MTA3: variants seen among roughly 807,000 people sequenced by gnomAD.
The protein encoded by MTA3 is metastasis associated 1 family member 3, also known as metastasis-associated protein MTA3.
In MTA3, 34 loss-of-function variants were observed where a neutral mutation model predicts 83.5. The ratio of observed to expected loss-of-function variants is 0.41; its 90% CI spans 0.31 to 0.54. The LOEUF is 0.54. MTA3 is among the 20% of genes least tolerant of loss of function. The pLI, the probability that MTA3 is intolerant of heterozygous loss-of-function variation, is 0.33. For missense variants in MTA3, 761 were observed against 726.4 expected, an observed-to-expected ratio of 1.05 and a Z score of -0.55; for synonymous variants, 303 against 252.7, an observed-to-expected ratio of 1.20 and a Z score of -1.89.
intron 8 of MTA3, among the ~76,000 whole-genome samples, chr2:42,662,526 T>C (rs1481007022): frequency 6.6e-6 from 1 of 151,776 alleles, no homozygotes; most frequent in African/African-American, 2.4e-5. Context: ...GTAATGCCCC[T>C]TTATCATATT....
intron 6 of MTA3, among the ~76,000 whole-genome samples, chr2:42,646,456 T>C (rs1688195393): frequency 6.6e-6 from 1 of 152,242 alleles, no homozygotes; most frequent in Admixed American, 6.5e-5. Flanking sequence ...TTCTCCGTTC[T>C]AGATGCCAGT....
intron 6 of MTA3, among the ~76,000 whole-genome samples, chr2:42,644,773 G>A (rs1197540038): frequency 6.6e-6 from 1 of 152,044 alleles, no homozygotes; most frequent in Non-Finnish European, 1.5e-5. Context: ...GGTAACTATT[G>A]TAATTGTTTT....
At chr2:42,537,685 C>T (rs6742318) in intron 2 of MTA3, among the ~76,000 whole-genome samples, 4,241 of 152,124 alleles carry the variant, frequency 0.028, 100 homozygotes, top group African/African-American at 0.074. Flanking sequence ...AAATGCATTG[C>T]GTAATCATTT....
Position 42,593,152 on chromosome 2 carries a change from CA to C in MTA3, c.190+13964del, listed in dbSNP as rs879664699. Among the ~76,000 whole-genome samples the C allele has an allele frequency of 7.4e-4, 95 of 128,900 alleles. No individual in the cohort carries two copies. The Middle Eastern group carries it at 0.013, about 18-fold the overall frequency. 84.6% of individuals were successfully genotyped at this position (128,900 alleles called of 152,430 possible). Reference sequence around the variant, plus strand: ...TTGGCAACAGAGCAAGGCTCTGTCTCAAAAAAAAAAAATTAAATAGAATTAA... The same window carrying C: ...TTGGCAACAGAGCAAGGCTCTGTCTCAAAAAAAAAAATTAAATAGAATTAA... On this transcript the variant is annotated intron_variant, in intron 3 of 16. Transcript: ENST00000405094.
intron 9 of MTA3, among the ~76,000 whole-genome samples, chr2:42,687,814 T>G (rs1692524820): frequency 6.6e-6 from 1 of 152,174 alleles, no homozygotes; most frequent in African/African-American, 2.4e-5. Flanking sequence ...CTGGCCCAGT[T>G]TGTTGGCATG....
intron 4 of MTA3, among the ~76,000 whole-genome samples, chr2:42,631,323 G>A (rs761277405): frequency 5.3e-5 from 8 of 152,218 alleles, no homozygotes; most frequent in Non-Finnish European, 1.0e-4. Flanking sequence ...TAGTGTACAT[G>A]TTTAGCATGC....
chr2:42,705,740 C>A (rs565548106), intron 12 of MTA3, among the ~76,000 whole-genome samples: 1 of 152,052 alleles, frequency 6.6e-6, no homozygotes, highest in South Asian at 2.1e-4. Context: ...AACTTGCAAA[C>A]CCCTTTCACA....
At chr2:42,600,608 C>T (rs764788676) in intron 3 of MTA3, among the ~76,000 whole-genome samples, 2 of 151,366 alleles carry the variant, frequency 1.3e-5, no homozygotes, top group Non-Finnish European at 2.9e-5. Flanking sequence ...GTGGTGTGAT[C>T]TCCGCTCACT....
chr2:42,606,305 G>A (rs924660149), intron 3 of MTA3, among the ~76,000 whole-genome samples: 2 of 149,182 alleles, frequency 1.3e-5, no homozygotes, highest in Non-Finnish European at 3.0e-5. Context: ...TTCCCAGATC[G>A]GGTGGCTGCC....
At chr2:42,664,876 T>C (rs983162882) in intron 8 of MTA3, among the ~76,000 whole-genome samples, 7 of 152,186 alleles carry the variant, frequency 4.6e-5, no homozygotes, top group African/African-American at 1.4e-4. Context: ...ATGCTACTTG[T>C]CAAATCACCA....
chr2:42,609,772 C>A (rs1052325515), intron 4 of MTA3, among the ~76,000 whole-genome samples, 188 bp downstream of exon 4: 2 of 152,122 alleles, frequency 1.3e-5, no homozygotes, highest in Admixed American at 6.6e-5. Flanking sequence ...AAAAGTTCTC[C>A]AGTAAAGTAA....
intron 2 of MTA3, among the ~76,000 whole-genome samples, chr2:42,502,448 A>G (rs996201004): frequency 6.6e-6 from 1 of 152,164 alleles, no homozygotes; most frequent in Non-Finnish European, 1.5e-5. Flanking sequence ...TTTACTTTCT[A>G]TAGGGAAATA....
intron 2 of MTA3, among the ~76,000 whole-genome samples, chr2:42,528,383 C>G (rs928545557): frequency 6.6e-6 from 1 of 151,930 alleles, no homozygotes; most frequent in African/African-American, 2.4e-5. Context: ...CCACACCCGG[C>G]TAATTTTTGT....
chr2:42,536,869 A>AG (rs1676267435), intron 2 of MTA3, among the ~76,000 whole-genome samples: 1 of 151,592 alleles, frequency 6.6e-6, no homozygotes, highest in African/African-American at 2.4e-5. Flanking sequence ...AAAAAAAAAA[A>AG]AAAAAAAAGG....
intron 3 of MTA3, among the ~76,000 whole-genome samples, chr2:42,582,969 CAT>C (rs1250300662): frequency 1.8e-4 from 27 of 152,168 alleles, no homozygotes; most frequent in African/African-American, 6.5e-4. Flanking sequence ...TACTGCTTGA[CAT>C]AGGAAAATTT....
Position 42,711,244 on chromosome 2 carries a change from C to T in MTA3, c.1525+2148C>T, listed in dbSNP as rs79118710. ...CTGAGGAAACTCTGTTTCCCCAGGG[C>T]TTGTGTGTTAATTTTCAGTTAATTT... On this transcript the variant is annotated intron_variant, in intron 14 of 16. Coordinates refer to ENST00000405094, the MANE Select transcript of MTA3 (RefSeq NM_001330442.2). 3.1e-3 allele frequency among the ~76,000 whole-genome samples: 475 copies of T among 152,034 alleles called. 4 individuals carry two copies. The highest frequency in any genetic ancestry group is 0.011 in the African/African-American group (445 of 41,462).
At chr2:42,674,683 A>C (rs10187451) in intron 8 of MTA3, among the ~76,000 whole-genome samples, 94,995 of 147,646 alleles carry the variant, frequency 0.64, 30,500 homozygotes, top group South Asian at 0.74. Context: ...ACTGCAACTG[A>C]CACTTCCTGA....
intron 16 of MTA3, among the ~76,000 whole-genome samples, chr2:42,739,281 C>G (rs898716128): frequency 6.6e-6 from 1 of 152,134 alleles, no homozygotes; most frequent in Non-Finnish European, 1.5e-5. Context: ...TAGAAAAGAA[C>G]CTACGTGATT....
At chr2:42,707,879 T>C (rs772090059) in intron 12 of MTA3, 24 bp from the exon 13 acceptor site, 1 of 1,499,154 alleles carries the variant, frequency 6.7e-7, no homozygotes. Context: ...TTTTTCGTTT[T>C]TTCTTATTTT....
Sources: gnomAD v4.1 joint callset for allele counts (sites outside exome capture counted in the v4.1 genomes callset) on GRCh38, gnomAD v4.1.1 for gene constraint, MANE v1.5 for transcripts, NCBI Gene and HGNC (gene_info 2026-07-23, HGNC 2026-07-21) for gene names.